FA2H: variants seen among roughly 807,000 people sequenced by gnomAD.
FA2H encodes fatty acid alpha-hydroxylase.
Under a neutral mutation model 44.9 loss-of-function variants are expected in FA2H, and 22 were observed. The observed-to-expected ratio is 0.49, with a 90% CI of 0.35 to 0.70. FA2H has a LOEUF of 0.70. Ranked by LOEUF, FA2H falls within the 30% of genes least tolerant of loss-of-function variation. The pLI is 0.01. For missense variants in FA2H, 501 were observed against 504.9 expected (o/e 0.99, Z 0.07); for synonymous variants, 243 against 213.2 (o/e 1.14, Z -1.22).
At chr16:74,763,351 A>G (rs1597571059) in intron 1 of FA2H, among the ~76,000 whole-genome samples, 1 of 152,050 alleles carries the variant, frequency 6.6e-6, no homozygotes, top group East Asian at 1.9e-4. Context: ...TCAGCCTCCC[A>G]GGTTCAAGCA....
In FA2H at chr16:74,748,407, A is replaced by G. The variant is rs903149986; in HGVS notation, c.271-8292T>C. 2.0e-5 allele frequency among the ~76,000 whole-genome samples: 3 copies of G among 152,286 alleles called. No individual in the cohort carries two copies. The Middle Eastern group carries it at 0.01, about 518-fold the overall frequency. ...TGGGGCGGACACAACTCTCCCTGAG[A>G]GACTGGCAGGAGGCATTCCACACAC... On this transcript the variant is annotated intron_variant, in intron 1 of 6. Transcript: ENST00000219368.
chr16:74,720,179 C>CG, intron 4 of FA2H, among the ~76,000 whole-genome samples: 1 of 91,822 alleles, frequency 1.1e-5, no homozygotes, highest in Non-Finnish European at 2.2e-5. Flanking sequence ...TCATCCTCAT[C>CG]CTTTTTTTTT....
intron 2 of FA2H, among the ~76,000 whole-genome samples, chr16:74,736,971 C>G (rs1239669754): frequency 1.3e-5 from 2 of 152,168 alleles, no homozygotes; most frequent in African/African-American, 4.8e-5. Flanking sequence ...CTCGTGCTGT[C>G]AGCAGGATTA....
At chr16:74,718,906 G>C in intron 5 of FA2H, 82 bp downstream of exon 5, 1 of 1,518,268 alleles carries the variant, frequency 6.6e-7, no homozygotes, top group Non-Finnish European at 9.0e-7. Flanking sequence ...AGGAGGCTCC[G>C]CAGCACCTGA....
chr16:74,737,644 G>A (rs538414243), intron 2 of FA2H, among the ~76,000 whole-genome samples: 13 of 152,268 alleles, frequency 8.5e-5, no homozygotes, highest in East Asian at 3.9e-4. Context: ...ACTGGGCCCC[G>A]GGAGGCCAGG....
chr16:74,741,812 G>GTA (rs1567643170), intron 1 of FA2H, among the ~76,000 whole-genome samples: 1 of 63,818 alleles, frequency 1.6e-5, no homozygotes, highest in African/African-American at 7.1e-5. Context: ...ATATATATGT[G>GTA]TGTGTGTGTG....
At chr16:74,739,962 C>T in intron 2 of FA2H, 61 bp downstream of exon 2, 1 of 1,288,872 alleles carries the variant, frequency 7.8e-7, no homozygotes, top group Non-Finnish European at 1.1e-6. Flanking sequence ...CACACACCCT[C>T]TTCCTCTCCT....
Position 74,774,419 on chromosome 16 carries a change from G to A in FA2H, c.270+67C>T, listed in dbSNP as rs916784858. 9 of 1,425,726 alleles carry A rather than the reference G, an allele frequency of 6.3e-6. No individual in the cohort carries two copies. The Admixed American group carries it at 1.3e-4, about 20-fold the overall frequency. 88.3% of individuals were successfully genotyped at this position (1,425,726 alleles called of 1,614,324 possible). On this transcript the variant is annotated intron_variant, in intron 1 of 6. Coordinates refer to ENST00000219368, the MANE Select transcript of FA2H (RefSeq NM_024306.5). ...GTCCTGCTAGAGGGCAAGTGAACGG[G>A]GCTCGCCCGGGAGTGGAAGGCTGAC...
rs773696633 is a variant in FA2H, at chr16:74,740,103, T to C, written c.283A>G (p.Asn95Asp). ...LRGEQQGSME[N>D]EPVALEETQK... ...GTTTCCTCAAGGGCTACAGGCTCGT[T>C]CTCCATGGAGCCCTGGAAGGAGAAG... Residue 95 changes from asparagine to aspartate, a missense_variant, in exon 2 of 7, where the codon AAC becomes GAC. Physicochemically the swap from Asn to Asp is conservative, Grantham distance 23 (BLOSUM62 1). Coordinates refer to ENST00000219368, the MANE Select transcript of FA2H (RefSeq NM_024306.5). 2.0e-5 allele frequency: 32 copies of C among 1,613,106 alleles called. 1 individual carries two copies. In the South Asian group the frequency reaches 3.5e-4, roughly 18 times the overall value.
At chr16:74,767,405 G>A (rs1373340392) in intron 1 of FA2H, among the ~76,000 whole-genome samples, 1 of 152,158 alleles carries the variant, frequency 6.6e-6, no homozygotes, top group African/African-American at 2.4e-5. Context: ...TCACAACCGG[G>A]GTCTGGATGG....
chr16:74,767,007 C>T (rs1486739403), intron 1 of FA2H, among the ~76,000 whole-genome samples: 1 of 151,158 alleles, frequency 6.6e-6, no homozygotes, highest in Non-Finnish European at 1.5e-5. Context: ...GAGATGTTTA[C>T]CTAGGTTAAA....
intron 1 of FA2H, among the ~76,000 whole-genome samples, chr16:74,758,125 T>G (rs1962644137): frequency 6.7e-6 from 1 of 149,216 alleles, no homozygotes; most frequent in Non-Finnish European, 1.5e-5. Flanking sequence ...TTCTTTTTTT[T>G]TTTTTTTTTT....
At chr16:74,716,712 C>A (rs1024891051) in intron 5 of FA2H, 113 bp from the exon 6 acceptor site, 3 of 1,275,296 alleles carry the variant, frequency 2.4e-6, no homozygotes, top group East Asian at 2.5e-5. Flanking sequence ...CATTCCACTG[C>A]GTAGGCTTGG....
Position 74,774,789 on chromosome 16 carries a change from G to A in FA2H, c.-34C>T. 3.9e-6 allele frequency: 5 copies of A among 1,275,296 alleles called. No homozygotes were observed. Among genetic ancestry groups the A allele is most frequent in the Non-Finnish European group, 4.9e-6 (5 of 1,016,786 alleles). The allele number at this position is 1,275,296 out of a possible 1,614,324, so 79.0% of individuals were successfully genotyped here. A position where few individuals can be genotyped will look rare whatever the true frequency, so the allele number is the denominator to read the frequency against. ...ACCGCAGCTCCCAGCGCGCAGCCCGGCGTCTGCTCTGCTGCCACCCTGAGC... is the reference window on the plus strand; with the variant it reads ...ACCGCAGCTCCCAGCGCGCAGCCCGACGTCTGCTCTGCTGCCACCCTGAGC... On this transcript the variant is annotated 5_prime_UTR_variant, in exon 1 of 7. Coordinates refer to ENST00000219368, the MANE Select transcript of FA2H (RefSeq NM_024306.5).
intron 1 of FA2H, among the ~76,000 whole-genome samples, chr16:74,765,217 C>A (rs1040153909): frequency 6.6e-6 from 1 of 151,200 alleles, no homozygotes; most frequent in Non-Finnish European, 1.5e-5. Flanking sequence ...AGTGCAATGG[C>A]GCGATCTTGG....
intron 1 of FA2H, among the ~76,000 whole-genome samples, chr16:74,744,408 G>A (rs1320192145): frequency 6.0e-5 from 9 of 150,548 alleles, no homozygotes; most frequent in Non-Finnish European, 1.0e-4. Flanking sequence ...AGATATGTGT[G>A]CTTTCTTTTT....
chr16:74,765,511 A>G (rs1962793165), intron 1 of FA2H, among the ~76,000 whole-genome samples: 1 of 152,080 alleles, frequency 6.6e-6, no homozygotes, highest in Non-Finnish European at 1.5e-5. Context: ...TCAATTATGC[A>G]CGTACCTCAG....
chr16:74,741,834 GTGTATGTGTGTGTA>G (rs1962314856), intron 1 of FA2H, among the ~76,000 whole-genome samples: 2 of 74,654 alleles, frequency 2.7e-5, no homozygotes, highest in Non-Finnish European at 5.8e-5. Flanking sequence ...GTGTGTGTGT[GTGTATGTGTGTGTA>G]TGTGTGTATG....
At chr16:74,741,330 G>A (rs1359208995) in intron 1 of FA2H, 1 of 152,210 alleles carries the variant, frequency 6.6e-6, no homozygotes, top group Non-Finnish European at 1.5e-5. Context: ...ACGGACCCAA[G>A]AGAACCTGAT....
Sources: gnomAD v4.1 joint callset for allele counts (sites outside exome capture counted in the v4.1 genomes callset) on GRCh38, gnomAD v4.1.1 for gene constraint, MANE v1.5 for transcripts, NCBI Gene and HGNC (gene_info 2026-07-23, HGNC 2026-07-21) for gene names.